KRT36: variants seen among roughly 807,000 people sequenced by gnomAD.
KRT36 encodes the protein keratin, type I cuticular Ha6.
KRT36 carries 41 observed loss-of-function variants against 43.0 expected under a neutral mutation model. The observed-to-expected ratio is 0.95, with a 90% confidence interval of 0.74 to 1.24. KRT36 has a LOEUF of 1.24. KRT36 is among the 50% of genes most tolerant of loss of function. KRT36 has a pLI of 0.00. For synonymous variants in KRT36, 277 were observed against 252.9 expected (o/e 1.10, Z -0.90); for missense variants, 627 against 595.3 (o/e 1.05, Z -0.55).
At position 41,488,336 on chromosome 17, in the gene KRT36, G is replaced by T. The variant is rs529638648; in HGVS notation, c.606C>A (p.Ile202=). Residue 202 remains isoleucine (I), a synonymous_variant, in exon 3 of 7, where the codon ATC becomes ATA. Coordinates refer to ENST00000328119, the MANE Select transcript of KRT36 (RefSeq NM_003771.5). ...CCTTGCACAGGGTCAGCTCATCCAG[G>T]ATCCTACGCAGGCCGTTGATGTCGG... ...VEADINGLRR[I]LDELTLCKAD... 1 of 1,614,132 alleles carries T rather than the reference G, an allele frequency of 6.2e-7. No homozygotes were observed. Among genetic ancestry groups the T allele is most frequent in the Non-Finnish European group, 8.5e-7 (1 of 1,180,014 alleles).
At position 41,486,946 on chromosome 17, in the gene KRT36, T is replaced by A; in HGVS notation, c.1208+4A>T. ...AGCCCTACCCCAGCCCAAGGGCCACTCACTTGCAGTCCTCTCCCTCCAGCA... is the reference window on the plus strand; with the variant it reads ...AGCCCTACCCCAGCCCAAGGGCCACACACTTGCAGTCCTCTCCCTCCAGCA... On this transcript the variant is annotated splice_donor_region_variant and intron_variant, in intron 6 of 6. Coordinates refer to ENST00000328119, the MANE Select transcript of KRT36 (RefSeq NM_003771.5). The A allele has an allele frequency of 6.2e-7, 1 of 1,611,194 alleles. No homozygotes were observed. The highest frequency in any genetic ancestry group is 8.5e-7 in the Non-Finnish European group (1 of 1,179,462).
rs1049886371 is a variant in KRT36, at chr17:41,487,393, C to A, written c.945G>T (p.Thr315=). The A allele has an allele frequency of 5.0e-6, 8 of 1,613,474 alleles. No homozygotes were observed. The African/African-American group carries it at 9.3e-5, about 19-fold the overall frequency. ...GCAGCTCAATCTCTAGCGCGTTGAC[C>A]GTACGTCTCAGCTCGATGATCTCCG... The part of the protein sequence containing the change: ...CQTEIIELRR[T]VNALEIELQA... The change falls in exon 5 of 7, where the codon ACG becomes ACT. Residue 315 remains threonine, a synonymous_variant. Coordinates refer to ENST00000328119, the MANE Select transcript of KRT36 (RefSeq NM_003771.5).
At position 41,487,028 on chromosome 17, in the gene KRT36, T is replaced by C; in HGVS notation, c.1130A>G (p.Gln377Arg). 1 of 1,614,136 alleles carries C rather than the reference T, an allele frequency of 6.2e-7. No individual in the cohort carries two copies. Among genetic ancestry groups the C allele is most frequent in the Non-Finnish European group, 8.5e-7 (1 of 1,180,024 alleles). ...CCGGGCCTTGACGTCCAGTAACACC[T>C]GGTACTCCTGGTTCTGCCGCTCCAG... is the stretch of plus-strand genomic sequence containing the variant. ...CDLERQNQEY[Q>R]VLLDVKARLE... The change falls in exon 6 of 7, where the codon CAG (glutamine) becomes CGG (arginine). Residue 377 changes from glutamine to arginine, a missense_variant. By Grantham distance (43) the Gln-to-Arg change is conservative (BLOSUM62 1). Transcript: ENST00000328119.
In KRT36 at chr17:41,487,748, G is replaced by C; in HGVS notation, c.700-11C>G. ...GAGTACACTGACTTCCTGCAGAGAG[G>C]AGGCAAGACGGCATGAGGTTGTGAA... On this transcript the variant is annotated splice_polypyrimidine_tract_variant and intron_variant, in intron 3 of 6. Transcript: ENST00000328119. 1.9e-6 allele frequency: 3 copies of C among 1,596,160 alleles called. No individual in the cohort carries two copies. Among genetic ancestry groups the C allele is most frequent in the Non-Finnish European group, 2.6e-6 (3 of 1,167,290 alleles).
At position 41,486,314 on chromosome 17, in the gene KRT36, G is replaced by A. The variant is rs1904378831; in HGVS notation, c.*62C>T. On this transcript the variant is annotated 3_prime_UTR_variant, in exon 7 of 7. Transcript: ENST00000328119. ...AAGGGCAGGGTCGTTAAGCCTCCAGGAGCCACAGGGGTGTCCTCCTTCCTG... is the reference window on the plus strand; with the variant it reads ...AAGGGCAGGGTCGTTAAGCCTCCAGAAGCCACAGGGGTGTCCTCCTTCCTG... 6.8e-7 allele frequency: 1 copy of A among 1,461,752 alleles called. No homozygotes were observed. The highest frequency in any genetic ancestry group is 9.5e-7 in the Non-Finnish European group (1 of 1,056,782). The allele number at this position is 1,461,752 out of a possible 1,614,324, so 90.5% of individuals were successfully genotyped here.
chr17:41,487,149 G>A lies in KRT36; in HGVS notation c.1009C>T (p.Leu337=). The A allele has an allele frequency of 6.2e-7, 1 of 1,613,620 alleles. No homozygotes were observed. The highest frequency in any genetic ancestry group is 8.5e-7 in the Non-Finnish European group (1 of 1,179,590). The change falls in exon 6 of 7, where the codon CTG becomes TTG. Residue 337 remains leucine, a synonymous_variant. Transcript: ENST00000328119. ...HSMRNSLEST[L]AETEARYSSQ... The stretch of plus-strand genomic sequence containing the variant: ...CTGTAGCGGGCCTCGGTTTCGGCCA[G>A]GGTGGATTCCAAGGAATTCCGCTGC...
intron 3 of KRT36, 45 bp from the exon 4 acceptor site, chr17:41,487,782 T>TGGATTGCA: frequency 6.4e-7 from 1 of 1,567,408 alleles, no homozygotes; most frequent in South Asian, 1.2e-5. Flanking sequence ...AAAAAGATGC[T>TGGATTGCA]GGATTGCAGG....
chr17:41,487,752 C>A lies in KRT36; in HGVS notation c.700-15G>T. On this transcript the variant is annotated splice_polypyrimidine_tract_variant and intron_variant, in intron 3 of 6. Transcript: ENST00000328119. ...ACACTGACTTCCTGCAGAGAGGAGGCAAGACGGCATGAGGTTGTGAAAAAG... is the reference window on the plus strand; with the variant it reads ...ACACTGACTTCCTGCAGAGAGGAGGAAAGACGGCATGAGGTTGTGAAAAAG... 1.3e-6 allele frequency: 2 copies of A among 1,597,070 alleles called. No homozygotes were observed. The highest frequency in any genetic ancestry group is 8.6e-7 in the Non-Finnish European group (1 of 1,168,300).
At chr17:41,489,284 A>C in intron 1 of KRT36, 122 bp downstream of exon 1, 5 of 1,062,220 alleles carry the variant, frequency 4.7e-6, no homozygotes, top group Non-Finnish European at 6.8e-6. Flanking sequence ...CTAGAGAGAA[A>C]AGTTTGCCCT....
chr17:41,488,563 C>T, intron 2 of KRT36, 79 bp downstream of exon 2: 2 of 1,529,708 alleles, frequency 1.3e-6, no homozygotes. Context: ...AGCCTTATTC[C>T]CACATCACCA....
At position 41,487,703 on chromosome 17, in the gene KRT36, C is replaced by G; in HGVS notation, c.734G>C (p.Arg245Pro). ...VSVLRCQLGD[R>P]LNVEVDAAPP... ...AGCAGCGTCCACCTCCACATTCAGT[C>G]GGTCCCCAAGTTGGCAACGGAGTAC... The change falls in exon 4 of 7, where the codon CGA (arginine) becomes CCA (proline). Residue 245 changes from arginine to proline, a missense_variant. Physicochemically the swap from Arg to Pro is moderately radical, Grantham distance 103. Transcript: ENST00000328119. 6.2e-7 allele frequency: 1 copy of G among 1,613,872 alleles called. No individual in the cohort carries two copies. The highest frequency in any genetic ancestry group is 8.5e-7 in the Non-Finnish European group (1 of 1,179,774).
chr17:41,486,681 A>C, intron 6 of KRT36, 110 bp from the exon 7 acceptor site: 1 of 883,388 alleles, frequency 1.1e-6, no homozygotes, highest in Non-Finnish European at 1.7e-6. Flanking sequence ...GGATCATCTC[A>C]GTGCCTCTGA....
In KRT36 at chr17:41,489,457, G is replaced by C; in HGVS notation, c.408C>G (p.Ile136Met). Residue 136 changes from isoleucine to methionine, a missense_variant, in exon 1 of 7, where the codon ATC (isoleucine) becomes ATG (methionine). Ile to Met is a conservative substitution (Grantham distance 10, BLOSUM62 1). Coordinates refer to ENST00000328119, the MANE Select transcript of KRT36 (RefSeq NM_003771.5). ...TGAAGTAGGACTGGTAGTCTGGGCA[G>C]ATGTATGGGATCTGAAACTCGTACC... ...QEWYEFQIPY[I>M]CPDYQSYFKT... is the part of the protein sequence containing the mutation. 6.2e-7 allele frequency: 1 copy of C among 1,614,256 alleles called. No individual in the cohort carries two copies. The highest frequency in any genetic ancestry group is 8.5e-7 in the Non-Finnish European group (1 of 1,180,050).
chr17:41,487,257 T>C lies in KRT36; in HGVS notation c.988-87A>G, dbSNP rs561035510. On this transcript the variant is annotated intron_variant, in intron 5 of 6. Coordinates refer to ENST00000328119, the MANE Select transcript of KRT36 (RefSeq NM_003771.5). The stretch of plus-strand genomic sequence containing the variant: ...CAGCCCTGGGCATCTGCCTACGGCC[T>C]GTGATCACACCCCATGAGAGCCTGC... The C allele has an allele frequency of 2.5e-6, 4 of 1,576,118 alleles. No homozygotes were observed. In the East Asian group the frequency reaches 6.8e-5, roughly 27 times the overall value.
chr17:41,488,434 AG>A (rs756796175), intron 2 of KRT36, 35 bp from the exon 3 acceptor site: 1 of 1,605,886 alleles, frequency 6.2e-7, no homozygotes, highest in Non-Finnish European at 8.5e-7. Flanking sequence ...TCTGCAGCAA[AG>A]GAAACCACAC....
At chr17:41,488,975 G>A (rs993660684) in intron 1 of KRT36, among the ~76,000 whole-genome samples, 2 of 152,194 alleles carry the variant, frequency 1.3e-5, no homozygotes, top group African/African-American at 4.8e-5. Context: ...GGGTGAGGCA[G>A]ACCTGAGTTC....
At chr17:41,486,906 C>T (rs1904397733) in intron 6 of KRT36, 44 bp downstream of exon 6, 1 of 1,563,398 alleles carries the variant, frequency 6.4e-7, no homozygotes, top group Non-Finnish European at 8.7e-7. Context: ...CCACATGGCA[C>T]TGAGGGTTCA....
At chr17:41,486,870 A>G in intron 6 of KRT36, 80 bp downstream of exon 6, 1 of 1,325,418 alleles carries the variant, frequency 7.5e-7, no homozygotes, top group African/African-American at 1.4e-5. Flanking sequence ...CATCTGGGCG[A>G]CAACCACTTC....
chr17:41,487,940 A>G (rs1904452637), intron 3 of KRT36, among the ~76,000 whole-genome samples: 1 of 152,206 alleles, frequency 6.6e-6, no homozygotes, highest in African/African-American at 2.4e-5. Context: ...TACAAACCCT[A>G]GGCAAATTAA....
Sources: allele counts gnomAD v4.1 joint callset (sites outside exome capture counted in the v4.1 genomes callset), GRCh38; gene constraint gnomAD v4.1.1; transcripts MANE v1.5; gene names NCBI Gene and HGNC (gene_info 2026-07-23, HGNC 2026-07-21).